The following GABRB1 variants were observed in gnomAD, a reference collection of about 807,000 sequenced individuals.
The protein encoded by GABRB1 is gamma-aminobutyric acid receptor subunit beta-1.
GABRB1 carries 17 observed loss-of-function variants against 51.6 expected under a neutral mutation model. The observed-to-expected ratio is 0.33, with a 90% CI of 0.23 to 0.49. The LOEUF (loss-of-function observed/expected upper bound fraction) is 0.49, where lower values mean the gene tolerates loss of function less well. Among genes scored for constraint, GABRB1 ranks in the 20% least tolerant of loss-of-function variants. The pLI is 0.99. For synonymous variants in GABRB1, 247 were observed against 218.9 expected (o/e 1.13, Z -1.14); for missense variants, 410 against 600.6 (o/e 0.68, Z 3.32).
intron 4 of GABRB1, among the ~76,000 whole-genome samples, chr4:47,252,477 A>G (rs1028291620): frequency 6.8e-5 from 10 of 147,918 alleles, no homozygotes; most frequent in Non-Finnish European, 1.3e-4. Context: ...TTCACAATTG[A>G]CTATCTAAGA....
intron 4 of GABRB1, among the ~76,000 whole-genome samples, chr4:47,270,889 C>T (rs1425391976): frequency 6.6e-6 from 1 of 152,134 alleles, no homozygotes; most frequent in Non-Finnish European, 1.5e-5. Flanking sequence ...TTAAGATAAC[C>T]AGCCCAGGTT....
upstream of GABRB1, chr4:47,031,359 C>T: frequency 2.3e-6 from 1 of 438,348 alleles, no homozygotes. Context: ...TAGCAACCTC[C>T]AATGCATGAA....
chr4:47,311,728 A>C (rs1266795207), intron 4 of GABRB1, among the ~76,000 whole-genome samples: 1 of 152,188 alleles, frequency 6.6e-6, no homozygotes, highest in African/African-American at 2.4e-5. Flanking sequence ...TTGTTACAGT[A>C]GCAAGAGGAA....
intron 4 of GABRB1, among the ~76,000 whole-genome samples, chr4:47,202,135 G>A (rs1330712488): frequency 2.6e-5 from 4 of 152,116 alleles, no homozygotes; most frequent in Non-Finnish European, 5.9e-5. Context: ...GAGACCAGGT[G>A]GAAGTAATTG....
At chr4:47,010,877 A>G (rs1045514337) in intron 1 of GABRB1, among the ~76,000 whole-genome samples, 2 of 152,216 alleles carry the variant, frequency 1.3e-5, no homozygotes, top group Admixed American at 1.3e-4. Flanking sequence ...CTATTTGAAG[A>G]GCTCCTGGAA....
intron 4 of GABRB1, among the ~76,000 whole-genome samples, chr4:47,298,916 G>A (rs1450762548): frequency 2.6e-5 from 4 of 151,648 alleles, no homozygotes; most frequent in Non-Finnish European, 5.9e-5. Context: ...ACAGAACAGA[G>A]CCCTCAGAAA....
At chr4:47,035,160 G>T (rs1159118735) in intron 3 of GABRB1, among the ~76,000 whole-genome samples, 3 of 152,016 alleles carry the variant, frequency 2.0e-5, no homozygotes, top group African/African-American at 7.2e-5. Context: ...TGAGAACTAG[G>T]TTCCATTCAT....
chr4:47,004,276 C>T lies in GABRB1; in HGVS notation c.-20+10350C>T, dbSNP rs565094459. ...TGCTGAGATTACAGGTGTGAGCCAC[C>T]GTGCCTGACCTACAATAATATATTT... On this transcript the variant is annotated intron_variant, in intron 1 of 3. Transcript: ENST00000513567. Among the ~76,000 whole-genome samples, 6 of 152,156 alleles carry T rather than the reference C, an allele frequency of 3.9e-5. No homozygotes were observed. In the East Asian group the frequency reaches 9.7e-4, roughly 25 times the overall value.
intron 5 of GABRB1, among the ~76,000 whole-genome samples, chr4:47,349,759 A>G (rs1196754068): frequency 6.6e-6 from 1 of 152,248 alleles, no homozygotes; most frequent in Non-Finnish European, 1.5e-5. Context: ...TTGTCTCATT[A>G]ATAAGATTTA....
chr4:47,356,210 C>T (rs541223952), intron 5 of GABRB1, among the ~76,000 whole-genome samples: 39 of 152,252 alleles, frequency 2.6e-4, no homozygotes, highest in African/African-American at 8.4e-4. Flanking sequence ...TCGTTATATC[C>T]TTGGAGCCAA....
chr4:47,299,476 A>G (rs1009967945), intron 4 of GABRB1, among the ~76,000 whole-genome samples: 7 of 152,222 alleles, frequency 4.6e-5, no homozygotes, highest in South Asian at 4.2e-4. Flanking sequence ...GCAGCCAAAA[A>G]ACACATGAAA....
At position 47,031,601 on chromosome 4, in the gene GABRB1, G is replaced by A. The variant is rs1725299359; in HGVS notation, c.-51G>A. 1 of 1,483,894 alleles carries A rather than the reference G, an allele frequency of 6.7e-7. No homozygotes were observed. Among genetic ancestry groups the A allele is most frequent in the Admixed American group, 1.7e-5 (1 of 59,700 alleles). 91.9% of individuals were successfully genotyped at this position (1,483,894 alleles called of 1,614,324 possible). The stretch of plus-strand genomic sequence containing the variant: ...TTACTGCCCAGCAGCCGACTAAGTT[G>A]CATTCCTTGAATCTTCGCAGAAAAG... On this transcript the variant is annotated 5_prime_UTR_variant, in exon 1 of 9. Coordinates refer to ENST00000295454, the MANE Select transcript of GABRB1 (RefSeq NM_000812.4).
chr4:47,120,675 T>C (rs1337329097), intron 3 of GABRB1, among the ~76,000 whole-genome samples: 3 of 152,144 alleles, frequency 2.0e-5, no homozygotes. Context: ...ATCCAACAGC[T>C]CTTTAATCAA....
chr4:47,040,312 G>C (rs1208929064), intron 3 of GABRB1, among the ~76,000 whole-genome samples: 2 of 152,180 alleles, frequency 1.3e-5, no homozygotes, highest in African/African-American at 4.8e-5. Context: ...TAAAACTGAG[G>C]ACAGTGTTAG....
intron 3 of GABRB1, among the ~76,000 whole-genome samples, chr4:47,148,124 A>G (rs958800635): frequency 3.9e-5 from 6 of 152,128 alleles, no homozygotes; most frequent in African/African-American, 1.4e-4. Flanking sequence ...AGTAGCAAGT[A>G]TAGACAGAAT....
chr4:46,999,076 C>T (rs965023879), intron 1 of GABRB1, among the ~76,000 whole-genome samples: 1 of 152,048 alleles, frequency 6.6e-6, no homozygotes, highest in African/African-American at 2.4e-5. Context: ...TGTTAAGAAA[C>T]ACATTTATTT....
At chr4:47,385,329 A>G (rs182879105) in intron 5 of GABRB1, among the ~76,000 whole-genome samples, 1 of 152,348 alleles carries the variant, frequency 6.6e-6, no homozygotes, top group African/African-American at 2.4e-5. Context: ...CTTTTTGAGA[A>G]GGTTGTACCC....
chr4:47,301,416 T>G (rs1487534415), intron 4 of GABRB1, among the ~76,000 whole-genome samples: 1 of 152,048 alleles, frequency 6.6e-6, no homozygotes, highest in Non-Finnish European at 1.5e-5. Context: ...GCAGGAAGAT[T>G]GCTTGAACCC....
intron 5 of GABRB1, among the ~76,000 whole-genome samples, chr4:47,359,094 G>A (rs781580598): frequency 5.5e-4 from 83 of 152,066 alleles, no homozygotes; most frequent in Non-Finnish European, 9.9e-4. Flanking sequence ...TAAACCCTTT[G>A]GGAGAATCAA....
Sources: allele counts gnomAD v4.1 joint callset (sites outside exome capture counted in the v4.1 genomes callset), GRCh38; gene constraint gnomAD v4.1.1; transcripts MANE v1.5; gene names NCBI Gene and HGNC (gene_info 2026-07-23, HGNC 2026-07-21).